The following MIB1 variants were observed in gnomAD, a reference collection of about 807,000 sequenced individuals.
The protein encoded by MIB1 is MIB E3 ubiquitin protein ligase 1.
In MIB1, 278 loss-of-function variants were observed where a neutral mutation model predicts 124.5. The ratio of observed to expected loss-of-function variants is 2.23; its 90% CI spans 2.02 to 2.47. The LOEUF is 2.47. MIB1 is among the 30% of genes most tolerant of loss of function. MIB1 has a pLI of 0.00. For missense variants in MIB1, 957 were observed against 1,254.4 expected, an observed-to-expected ratio of 0.76 and a Z score of 3.58; for synonymous variants, 446 against 429.4, an observed-to-expected ratio of 1.04 and a Z score of -0.48.
intron 1 of MIB1, among the ~76,000 whole-genome samples, chr18:21,752,452 T>C (rs867398277): frequency 6.6e-6 from 1 of 152,352 alleles, no homozygotes; most frequent in South Asian, 2.1e-4. Flanking sequence ...AGCCAGCTTT[T>C]TCCTTTAGGA....
intron 1 of MIB1, among the ~76,000 whole-genome samples, chr18:21,758,669 GGA>G: frequency 6.6e-6 from 1 of 152,128 alleles, no homozygotes; most frequent in East Asian, 1.9e-4. Flanking sequence ...CAAGTAGCTG[GGA>G]CTACAGGCGT....
At position 21,853,508 on chromosome 18, in the gene MIB1, AAAAT is replaced by A. The variant is rs548928090; in HGVS notation, c.2665+295_2665+298del. Among the ~76,000 whole-genome samples the A allele has an allele frequency of 3.0e-3, 454 of 152,304 alleles. 2 individuals are homozygous for A. The highest frequency in any genetic ancestry group is 0.01 in the African/African-American group (430 of 41,564). On this transcript the variant is annotated intron_variant, in intron 18 of 20. Coordinates refer to ENST00000261537, the MANE Select transcript of MIB1 (RefSeq NM_020774.4). The stretch of plus-strand genomic sequence containing the variant: ...CACACATAATAGAAATTTATTTTGA[AAAAT>A]AAATGTTGAAACATTTAGTCTCGCC...
chr18:21,857,645 AT>A (rs1198309920), intron 19 of MIB1, among the ~76,000 whole-genome samples: 1 of 152,234 alleles, frequency 6.6e-6, no homozygotes, highest in Non-Finnish European at 1.5e-5. Flanking sequence ...TATTTGCTTC[AT>A]TTAAGTATTT....
chr18:21,797,931 C>T (rs1039572111), intron 7 of MIB1, among the ~76,000 whole-genome samples, 153 bp from the exon 8 acceptor site: 9 of 151,974 alleles, frequency 5.9e-5, no homozygotes, highest in Non-Finnish European at 1.3e-4. Flanking sequence ...AACATTTGTA[C>T]TTATTCAAAT....
At chr18:21,745,387 G>C (rs955551580) in intron 1 of MIB1, among the ~76,000 whole-genome samples, 1 of 152,192 alleles carries the variant, frequency 6.6e-6, no homozygotes, top group East Asian at 1.9e-4. Flanking sequence ...ATTAGCAGCA[G>C]TAGCACCCCA....
At chr18:21,825,549 A>C in intron 12 of MIB1, 2 of 351,158 alleles carry the variant, frequency 5.7e-6, no homozygotes, top group South Asian at 4.3e-5. Flanking sequence ...GCTTTTTATA[A>C]ACATCTTTAA....
At chr18:21,862,136 A>G (rs147617601) in intron 20 of MIB1, among the ~76,000 whole-genome samples, 1 of 152,232 alleles carries the variant, frequency 6.6e-6, no homozygotes, top group African/African-American at 2.4e-5. Flanking sequence ...GGCTCAAGTG[A>G]TCCTCTTACC....
At chr18:21,717,824 GA>G (rs1157238045) in intron 1 of MIB1, among the ~76,000 whole-genome samples, 1 of 152,166 alleles carries the variant, frequency 6.6e-6, no homozygotes, top group Non-Finnish European at 1.5e-5. Flanking sequence ...AACCACTATG[GA>G]AAACAGTGTG....
At chr18:21,787,715 T>C (rs540159559) in intron 6 of MIB1, among the ~76,000 whole-genome samples, 4 of 152,044 alleles carry the variant, frequency 2.6e-5, no homozygotes, top group East Asian at 3.9e-4. Flanking sequence ...AGCTTCAGAC[T>C]TGAGTTCTGG....
At chr18:21,832,654 G>T (rs1427669127) in intron 12 of MIB1, among the ~76,000 whole-genome samples, 1 of 152,162 alleles carries the variant, frequency 6.6e-6, no homozygotes, top group Non-Finnish European at 1.5e-5. Flanking sequence ...ACCTACGGAA[G>T]TTTGTCCTTC....
At chr18:21,861,933 A>C (rs1185029569) in intron 20 of MIB1, among the ~76,000 whole-genome samples, 1 of 151,798 alleles carries the variant, frequency 6.6e-6, no homozygotes, top group Non-Finnish European at 1.5e-5. Context: ...ACAGGATCTT[A>C]CTCTGTCACC....
chr18:21,786,206 C>T (rs973054103), intron 6 of MIB1, among the ~76,000 whole-genome samples: 1 of 152,110 alleles, frequency 6.6e-6, no homozygotes, highest in Non-Finnish European at 1.5e-5. Context: ...ACACCATTCT[C>T]CTGCCTCAGC....
At chr18:21,805,899 C>CT (rs2041699489) in intron 10 of MIB1, among the ~76,000 whole-genome samples, 4 of 109,126 alleles carry the variant, frequency 3.7e-5, no homozygotes, top group African/African-American at 1.6e-4. Flanking sequence ...TTCTTTCTTT[C>CT]CTTTTTTTTT....
At chr18:21,824,653 A>G (rs1007188036) in intron 12 of MIB1, among the ~76,000 whole-genome samples, 1 of 152,084 alleles carries the variant, frequency 6.6e-6, no homozygotes, top group African/African-American at 2.4e-5. Context: ...GATAAGATAT[A>G]TATTTATATA....
At chr18:21,733,287 A>G (rs2040780702) in intron 1 of MIB1, among the ~76,000 whole-genome samples, 1 of 152,174 alleles carries the variant, frequency 6.6e-6, no homozygotes, top group Non-Finnish European at 1.5e-5. Context: ...AGCTGAACCA[A>G]CTGAGATGTT....
intron 12 of MIB1, among the ~76,000 whole-genome samples, chr18:21,822,066 CAGTG>C (rs1387619418): frequency 2.0e-5 from 3 of 152,164 alleles, no homozygotes; most frequent in Non-Finnish European, 4.4e-5. Flanking sequence ...CTTACTTTGA[CAGTG>C]AGCACACTGT....
At chr18:21,747,714 G>A (rs969003464) in intron 1 of MIB1, among the ~76,000 whole-genome samples, 27 of 152,094 alleles carry the variant, frequency 1.8e-4, no homozygotes, top group African/African-American at 5.5e-4. Context: ...GTGTATTTTC[G>A]ATCCTATACT....
chr18:21,756,349 A>G (rs1194914865), intron 1 of MIB1, among the ~76,000 whole-genome samples: 1 of 152,218 alleles, frequency 6.6e-6, no homozygotes, highest in African/African-American at 2.4e-5. Flanking sequence ...TCGAGCCTTC[A>G]TTCATCACCT....
At chr18:21,790,535 A>G (rs189978107) in intron 6 of MIB1, among the ~76,000 whole-genome samples, 1 of 152,324 alleles carries the variant, frequency 6.6e-6, no homozygotes, top group Admixed American at 6.5e-5. Flanking sequence ...TTGAAAAAAA[A>G]GTCACAAAAT....
Sources: gnomAD v4.1 joint callset for allele counts (sites outside exome capture counted in the v4.1 genomes callset) on GRCh38, gnomAD v4.1.1 for gene constraint, MANE v1.5 for transcripts, NCBI Gene and HGNC (gene_info 2026-07-23, HGNC 2026-07-21) for gene names.